The following OXCT1 variants were observed in gnomAD, a reference collection of about 807,000 sequenced individuals.
OXCT1 encodes succinyl-CoA:3-ketoacid coenzyme A transferase 1, mitochondrial.
OXCT1 carries 27 observed loss-of-function variants against 69.6 expected under a neutral mutation model. The ratio of observed to expected loss-of-function variants is 0.39; its 90% confidence interval spans 0.29 to 0.54. OXCT1 has a LOEUF of 0.54. Ranked by LOEUF, OXCT1 falls within the 20% of genes least tolerant of loss-of-function variation. OXCT1 has a pLI of 0.72. For missense variants in OXCT1, 437 were observed against 650.2 expected, an observed-to-expected ratio of 0.67 and a Z score of 3.57; for synonymous variants, 202 against 217.8, an observed-to-expected ratio of 0.93 and a Z score of 0.64.
At chr5:41,750,406 G>C (rs1743722808) in intron 14 of OXCT1, among the ~76,000 whole-genome samples, 1 of 152,048 alleles carries the variant, frequency 6.6e-6, no homozygotes, top group South Asian at 2.1e-4. Flanking sequence ...GAACACAGTT[G>C]AAACATTGGC....
chr5:41,783,838 C>G (rs1209856387), intron 13 of OXCT1, among the ~76,000 whole-genome samples: 1 of 152,148 alleles, frequency 6.6e-6, no homozygotes, highest in African/African-American at 2.4e-5. Context: ...TAGAGGTAAG[C>G]AGTTGTTCAA....
At chr5:41,773,478 T>A (rs1187406607) in intron 13 of OXCT1, among the ~76,000 whole-genome samples, 1 of 151,068 alleles carries the variant, frequency 6.6e-6, no homozygotes, top group East Asian at 1.9e-4. Flanking sequence ...GCACCTGTAG[T>A]ATGAGCTACT....
chr5:41,796,025 A>C (rs1746164661), intron 11 of OXCT1, among the ~76,000 whole-genome samples: 1 of 152,052 alleles, frequency 6.6e-6, no homozygotes, highest in African/African-American at 2.4e-5. Flanking sequence ...TTGCCCCATA[A>C]GCTTCTATTA....
At chr5:41,791,230 CA>C (rs1237459493) in intron 13 of OXCT1, among the ~76,000 whole-genome samples, 1 of 151,560 alleles carries the variant, frequency 6.6e-6, no homozygotes. Flanking sequence ...ATGAAAGCAA[CA>C]AAAAAAATGC....
intron 7 of OXCT1, among the ~76,000 whole-genome samples, chr5:41,817,531 T>C (rs1747309318): frequency 6.6e-6 from 1 of 152,220 alleles, no homozygotes; most frequent in South Asian, 2.1e-4. Flanking sequence ...TAGATTAATG[T>C]CATCTTACTG....
At chr5:41,741,533 G>A (rs1409202886) in intron 15 of OXCT1, among the ~76,000 whole-genome samples, 1 of 152,150 alleles carries the variant, frequency 6.6e-6, no homozygotes, top group Non-Finnish European at 1.5e-5. Flanking sequence ...GACAGTGGGG[G>A]CAGCATACAA....
chr5:41,853,806 G>C (rs1246212524), intron 3 of OXCT1: 2 of 548,432 alleles, frequency 3.6e-6, no homozygotes, highest in Non-Finnish European at 6.6e-6. Flanking sequence ...ACAGGGCAAG[G>C]TCTTGGGCAG....
intron 7 of OXCT1, among the ~76,000 whole-genome samples, chr5:41,816,425 G>C (rs1561100079): frequency 6.6e-6 from 1 of 152,072 alleles, no homozygotes; most frequent in Non-Finnish European, 1.5e-5. Flanking sequence ...TGATCAAATG[G>C]CTCTTAGTAC....
At chr5:41,856,868 T>C (rs1388176589) in intron 3 of OXCT1, among the ~76,000 whole-genome samples, 1 of 152,182 alleles carries the variant, frequency 6.6e-6, no homozygotes, top group African/African-American at 2.4e-5. Context: ...ATTCCGTTGT[T>C]CAAGGGCTGT....
chr5:41,739,669 T>C (rs1254733268), intron 15 of OXCT1, 178 bp from the exon 16 acceptor site: 6 of 556,560 alleles, frequency 1.1e-5, no homozygotes, highest in Non-Finnish European at 2.0e-5. Context: ...ATCGAGACCA[T>C]CCTGGCTAAC....
At chr5:41,785,367 A>G (rs1024459562) in intron 13 of OXCT1, among the ~76,000 whole-genome samples, 1 of 152,222 alleles carries the variant, frequency 6.6e-6, no homozygotes, top group African/African-American at 2.4e-5. Flanking sequence ...CATAGTTGGA[A>G]AACACCCTTA....
chr5:41,768,275 GCAAGAA>G (rs1744712664), intron 13 of OXCT1, among the ~76,000 whole-genome samples: 1 of 152,220 alleles, frequency 6.6e-6, no homozygotes, highest in Admixed American at 6.5e-5. Flanking sequence ...ATAAAACCTT[GCAAGAA>G]CAATCCTCCA....
chr5:41,770,311 T>A (rs1352766137), intron 13 of OXCT1, among the ~76,000 whole-genome samples: 1 of 152,176 alleles, frequency 6.6e-6, no homozygotes, highest in Non-Finnish European at 1.5e-5. Context: ...AAATGTAAAA[T>A]TAAAACTTCA....
At chr5:41,812,495 C>T (rs917734248) in intron 7 of OXCT1, among the ~76,000 whole-genome samples, 9 of 151,908 alleles carry the variant, frequency 5.9e-5, no homozygotes, top group Admixed American at 5.3e-4. Flanking sequence ...ACAAAAGAGA[C>T]ACGTATGACC....
chr5:41,782,129 T>TA (rs1561071728), intron 13 of OXCT1, among the ~76,000 whole-genome samples: 5 of 151,386 alleles, frequency 3.3e-5, no homozygotes, highest in South Asian at 4.2e-4. Context: ...TTTTTTTTTT[T>TA]AATTTTTAGT....
chr5:41,772,407 T>C (rs533162470), intron 13 of OXCT1, among the ~76,000 whole-genome samples: 1 of 150,924 alleles, frequency 6.6e-6, no homozygotes, highest in African/African-American at 2.4e-5. Flanking sequence ...CATTAATAAA[T>C]TGAAATCATT....
rs147411382 is a variant in OXCT1, at chr5:41,816,516, A to G, written c.733-9078T>C. Among the ~76,000 whole-genome samples the G allele has an allele frequency of 3.4e-3, 522 of 152,332 alleles. 1 individual carries two copies. The highest frequency in any genetic ancestry group is 0.012 in the African/African-American group (493 of 41,594). ...TCTAACTCACTGAATTTCAGCATCT[A>G]GTCATCATGGGAAAGCAAGGCAAGT... On this transcript the variant is annotated intron_variant, in intron 7 of 16. Transcript: ENST00000196371.
At chr5:41,753,859 C>T (rs1386484655) in intron 14 of OXCT1, among the ~76,000 whole-genome samples, 1 of 152,074 alleles carries the variant, frequency 6.6e-6, no homozygotes, top group Non-Finnish European at 1.5e-5. Context: ...GTCTATGGAC[C>T]ACTAGGGGCT....
chr5:41,743,494 T>G (rs1309287807), intron 15 of OXCT1, among the ~76,000 whole-genome samples: 1 of 152,214 alleles, frequency 6.6e-6, no homozygotes, highest in Admixed American at 6.5e-5. Flanking sequence ...TTAGATCCCA[T>G]TTGTCAATTT....
Sources: gnomAD v4.1 joint callset for allele counts (sites outside exome capture counted in the v4.1 genomes callset) on GRCh38, gnomAD v4.1.1 for gene constraint, MANE v1.5 for transcripts, NCBI Gene and HGNC (gene_info 2026-07-23, HGNC 2026-07-21) for gene names.